LRMDA: variants seen among roughly 807,000 people sequenced by gnomAD.
The protein encoded by LRMDA is leucine-rich melanocyte differentiation-associated protein.
LRMDA carries 18 observed loss-of-function variants against 29.8 expected under a neutral mutation model. That is an observed-to-expected ratio of 0.60 (90% confidence interval 0.42 to 0.90). LRMDA has a LOEUF of 0.90. Ranked by LOEUF, LRMDA falls within the 40% of genes least tolerant of loss-of-function variation. LRMDA has a pLI of 0.00. For synonymous variants in LRMDA, 125 were observed against 109.4 expected (o/e 1.14, Z -0.89); for missense variants, 273 against 273.9 (o/e 1.00, Z 0.02).
intron 5 of LRMDA, among the ~76,000 whole-genome samples, chr10:76,085,691 T>C (rs922870364): frequency 5.9e-5 from 9 of 152,170 alleles, no homozygotes; most frequent in African/African-American, 1.2e-4. Flanking sequence ...GGGATGTTGG[T>C]CTGCCTGGGA....
At chr10:75,594,660 A>G (rs1418753400) in intron 2 of LRMDA, among the ~76,000 whole-genome samples, 1 of 152,200 alleles carries the variant, frequency 6.6e-6, no homozygotes, top group Admixed American at 6.5e-5. Context: ...TCTCCACTGA[A>G]TGATTTGTTA....
chr10:75,686,039 C>T (rs1020929242), intron 2 of LRMDA, among the ~76,000 whole-genome samples: 10 of 152,140 alleles, frequency 6.6e-5, no homozygotes, highest in African/African-American at 1.9e-4. Flanking sequence ...TTCAAGGTCA[C>T]ATAGCTGTGC....
intron 2 of LRMDA, among the ~76,000 whole-genome samples, chr10:75,683,838 C>A (rs1241179687): frequency 6.6e-6 from 1 of 152,232 alleles, no homozygotes; most frequent in Admixed American, 6.5e-5. Flanking sequence ...CTTTGCTGAG[C>A]ATGGGGCTTA....
At chr10:75,467,568 G>T (rs1205612269) in intron 2 of LRMDA, among the ~76,000 whole-genome samples, 1 of 152,134 alleles carries the variant, frequency 6.6e-6, no homozygotes, top group Non-Finnish European at 1.5e-5. Flanking sequence ...GAAACAAAGG[G>T]TGTGGCCTCC....
chr10:75,495,749 A>G (rs576485978), intron 2 of LRMDA, among the ~76,000 whole-genome samples: 1 of 152,326 alleles, frequency 6.6e-6, no homozygotes, highest in Admixed American at 6.5e-5. Flanking sequence ...CCTCCTGTGA[A>G]CAGACTAACT....
intron 6 of LRMDA, among the ~76,000 whole-genome samples, chr10:76,520,433 G>A (rs917839252): frequency 2.0e-5 from 3 of 151,656 alleles, no homozygotes; most frequent in South Asian, 2.1e-4. Flanking sequence ...TCAAGATGAC[G>A]TCAACTATTC....
intron 2 of LRMDA, among the ~76,000 whole-genome samples, chr10:75,749,350 A>C (rs1842925798): frequency 6.6e-6 from 1 of 152,082 alleles, no homozygotes; most frequent in Non-Finnish European, 1.5e-5. Context: ...TTTTATGTGA[A>C]TTTTTGGCTG....
At chr10:75,620,719 A>G (rs150396741) in intron 2 of LRMDA, among the ~76,000 whole-genome samples, 57 of 152,316 alleles carry the variant, frequency 3.7e-4, no homozygotes, top group African/African-American at 1.3e-3. Context: ...TAAGTGCCCC[A>G]TCTTAGTGAC....
At chr10:75,464,261 A>G (rs1051004398) in intron 2 of LRMDA, among the ~76,000 whole-genome samples, 1 of 152,176 alleles carries the variant, frequency 6.6e-6, no homozygotes, top group Non-Finnish European at 1.5e-5. Context: ...TCTTCTTCGA[A>G]GGGGTTGGCT....
At chr10:75,884,946 C>T (rs1160212072) in intron 2 of LRMDA, among the ~76,000 whole-genome samples, 1 of 151,978 alleles carries the variant, frequency 6.6e-6, no homozygotes, top group Admixed American at 6.6e-5. Flanking sequence ...GGGAGAACTC[C>T]AGTCCAGGAG....
At chr10:75,512,869 C>A (rs1279867424) in intron 2 of LRMDA, among the ~76,000 whole-genome samples, 1 of 152,138 alleles carries the variant, frequency 6.6e-6, no homozygotes, top group Non-Finnish European at 1.5e-5. Context: ...TTATTTATTT[C>A]TCTTGAATTT....
intron 5 of LRMDA, among the ~76,000 whole-genome samples, chr10:76,134,328 A>G (rs2132140893): frequency 6.6e-6 from 1 of 152,328 alleles, no homozygotes; most frequent in East Asian, 1.9e-4. Flanking sequence ...CCATGTTCCC[A>G]AGGCCGGAAT....
chr10:76,522,811 G>C (rs1589224221), intron 6 of LRMDA, among the ~76,000 whole-genome samples: 1 of 152,258 alleles, frequency 6.6e-6, no homozygotes, highest in East Asian at 1.9e-4. Context: ...GACAAGGATG[G>C]CTCCAGATGG....
At chr10:75,592,257 C>G (rs1840732608) in intron 2 of LRMDA, among the ~76,000 whole-genome samples, 1 of 152,160 alleles carries the variant, frequency 6.6e-6, no homozygotes, top group Admixed American at 6.5e-5. Flanking sequence ...CTCTGCCCGT[C>G]CCCAGCATTG....
intron 5 of LRMDA, among the ~76,000 whole-genome samples, chr10:76,254,358 C>CTATGCTATGCTATG (rs1554859386): frequency 5.9e-4 from 77 of 131,384 alleles, no homozygotes; most frequent in African/African-American, 1.5e-3. Context: ...CCTATCCTAT[C>CTATGCTATGCTATG]CTATGCTATG....
At chr10:75,718,530 C>T (rs1250925041) in intron 2 of LRMDA, among the ~76,000 whole-genome samples, 5 of 152,106 alleles carry the variant, frequency 3.3e-5, no homozygotes, top group African/African-American at 1.2e-4. Context: ...AGGCAGAGGG[C>T]CTAGGAGCAG....
intron 2 of LRMDA, among the ~76,000 whole-genome samples, chr10:75,716,878 G>T (rs1015603451): frequency 6.6e-6 from 1 of 152,204 alleles, no homozygotes; most frequent in Non-Finnish European, 1.5e-5. Flanking sequence ...GCAGCGAAAA[G>T]TATGATATGA....
intron 2 of LRMDA, among the ~76,000 whole-genome samples, chr10:76,025,134 G>A (rs533727621): frequency 2.6e-5 from 4 of 151,998 alleles, no homozygotes; most frequent in South Asian, 2.1e-4. Context: ...ATCTCAAGCC[G>A]TGAATCAAAA....
At chr10:76,231,229 A>G (rs144752713) in intron 5 of LRMDA, among the ~76,000 whole-genome samples, 1 of 152,332 alleles carries the variant, frequency 6.6e-6, no homozygotes, top group East Asian at 1.9e-4. Context: ...TATATTTGAG[A>G]TTAAGGAGGT....
Sources: allele counts gnomAD v4.1 joint callset (sites outside exome capture counted in the v4.1 genomes callset), GRCh38; gene constraint gnomAD v4.1.1; transcripts MANE v1.5; gene names NCBI Gene and HGNC (gene_info 2026-07-23, HGNC 2026-07-21).